The following SYNPO2 variants were observed in gnomAD, a reference collection of about 807,000 sequenced individuals.
SYNPO2 encodes synaptopodin 2.
In SYNPO2, 56 loss-of-function variants were observed where a neutral mutation model predicts 85.0. That is an observed-to-expected ratio of 0.66 (90% CI 0.53 to 0.82). SYNPO2 has a LOEUF of 0.82. Ranked by LOEUF, SYNPO2 falls within the 40% of genes least tolerant of loss-of-function variation. SYNPO2 has a pLI of 0.00. For synonymous variants in SYNPO2, 602 were observed against 591.1 expected, an observed-to-expected ratio of 1.02 and a Z score of -0.27; for missense variants, 1,575 against 1,534.2, an observed-to-expected ratio of 1.03 and a Z score of -0.44.
At chr4:118,886,372 C>T (rs1732198987), upstream of SYNPO2, among the ~76,000 whole-genome samples, 1 of 152,110 alleles carries the variant, frequency 6.6e-6, no homozygotes, top group African/African-American at 2.4e-5. Context: ...GCCCCGCATG[C>T]GTTATGTGTC....
At chr4:118,943,277 C>G (rs1734383320) in intron 1 of SYNPO2, among the ~76,000 whole-genome samples, 1 of 152,102 alleles carries the variant, frequency 6.6e-6, no homozygotes, top group Non-Finnish European at 1.5e-5. Context: ...GACAGCAGCC[C>G]TAAGGGGAAA....
At chr4:118,893,841 A>T (rs998808360) in intron 1 of SYNPO2, among the ~76,000 whole-genome samples, 1 of 104,804 alleles carries the variant, frequency 9.5e-6, no homozygotes, top group Non-Finnish European at 2.0e-5. Context: ...CAAAATAGCT[A>T]AAAAAAAAAG....
intron 1 of SYNPO2, among the ~76,000 whole-genome samples, chr4:118,973,839 A>C (rs971580448): frequency 6.6e-6 from 1 of 152,240 alleles, no homozygotes; most frequent in Non-Finnish European, 1.5e-5. Flanking sequence ...TACACCAATC[A>C]GTAGCCACTG....
At chr4:118,868,951 G>A (rs776228406) in intron 1 of SYNPO2, among the ~76,000 whole-genome samples, 21 of 152,182 alleles carry the variant, frequency 1.4e-4, no homozygotes, top group Admixed American at 9.2e-4. Context: ...CAGCATGACC[G>A]CAGGAGATGT....
intron 1 of SYNPO2, among the ~76,000 whole-genome samples, chr4:118,882,248 A>G (rs1732118228): frequency 6.6e-6 from 1 of 152,332 alleles, no homozygotes; most frequent in African/African-American, 2.4e-5. Context: ...GGGGAGTACA[A>G]TTTAGCGGCT....
intron 1 of SYNPO2, among the ~76,000 whole-genome samples, chr4:118,853,991 C>T (rs1430487163): frequency 6.6e-6 from 1 of 152,030 alleles, no homozygotes; most frequent in Non-Finnish European, 1.5e-5. Flanking sequence ...GTTGTCAATG[C>T]TTTTTTAAAA....
chr4:118,890,203 G>A (rs1049357957), intron 1 of SYNPO2, among the ~76,000 whole-genome samples: 1 of 149,606 alleles, frequency 6.7e-6, no homozygotes, highest in Non-Finnish European at 1.5e-5. Context: ...GAAGAAAGAA[G>A]TTTCTTTGAA....
chr4:118,855,499 T>C (rs1299232908), intron 1 of SYNPO2, among the ~76,000 whole-genome samples: 1 of 152,140 alleles, frequency 6.6e-6, no homozygotes, highest in Non-Finnish European at 1.5e-5. Context: ...TGAGTAGATA[T>C]CGCACAACTG....
intron 1 of SYNPO2, among the ~76,000 whole-genome samples, chr4:119,020,060 GAAGGT>G (rs1737659943): frequency 4.6e-5 from 7 of 152,158 alleles, no homozygotes; most frequent in Admixed American, 4.6e-4. Context: ...ACGCACAATA[GAAGGT>G]AAGGATCTTA....
At chr4:119,032,928 T>C in intron 4 of SYNPO2, 2 of 924,028 alleles carry the variant, frequency 2.2e-6, no homozygotes, top group Non-Finnish European at 2.6e-6. Flanking sequence ...TAAAGGTTGA[T>C]TCCCACCCTC....
Position 118,916,729 on chromosome 4 carries a change from C to CTTTTTTT in SYNPO2, c.105+27600_105+27606dup, listed in dbSNP as rs199715189. Among the ~76,000 whole-genome samples, 209 of 117,006 alleles carry CTTTTTTT rather than the reference C, an allele frequency of 1.8e-3. 1 individual carries two copies. The highest frequency in any genetic ancestry group is 2.7e-3 in the Non-Finnish European group (164 of 60,004). 76.8% of individuals were successfully genotyped at this position (117,006 alleles called of 152,430 possible). On this transcript the variant is annotated intron_variant, in intron 1 of 4. Transcript: ENST00000307142. The stretch of plus-strand genomic sequence containing the variant: ...TCCTCTTCCTCTTTTATTTTTCTTT[C>CTTTTTTT]TTTTTTTTTTTTTTTTTTCTAGAAA...
chr4:118,862,634 A>G (rs1731629893), intron 1 of SYNPO2, among the ~76,000 whole-genome samples: 1 of 152,110 alleles, frequency 6.6e-6, no homozygotes. Context: ...GCATTGATTG[A>G]TTTGCATATG....
chr4:118,862,892 C>A (rs1731635146), intron 1 of SYNPO2, among the ~76,000 whole-genome samples: 1 of 152,032 alleles, frequency 6.6e-6, no homozygotes, highest in Non-Finnish European at 1.5e-5. Flanking sequence ...CTTACTGCAA[C>A]CTCCGCATCC....
intron 1 of SYNPO2, among the ~76,000 whole-genome samples, chr4:118,851,947 AG>A (rs1308560791): frequency 6.6e-6 from 1 of 152,170 alleles, no homozygotes; most frequent in Non-Finnish European, 1.5e-5. Context: ...ACTCAGCAAG[AG>A]TTTTTTTTTT....
chr4:118,862,716 G>A (rs1731631478), intron 1 of SYNPO2, among the ~76,000 whole-genome samples: 2 of 152,148 alleles, frequency 1.3e-5, no homozygotes, highest in African/African-American at 4.8e-5. Flanking sequence ...ATGTGTGTTT[G>A]AATTCAGTTT....
At chr4:118,898,425 A>G (rs2149117450) in intron 1 of SYNPO2, among the ~76,000 whole-genome samples, 1 of 152,120 alleles carries the variant, frequency 6.6e-6, no homozygotes, top group Middle Eastern at 3.4e-3. Context: ...TGCCAGAGAG[A>G]TTTTTCTAAA....
chr4:118,951,030 G>A (rs1000205978), intron 1 of SYNPO2, among the ~76,000 whole-genome samples: 11 of 152,186 alleles, frequency 7.2e-5, no homozygotes, highest in African/African-American at 2.2e-4. Context: ...CTTGTTGGGA[G>A]GAGGCAGATG....
At chr4:118,974,543 C>A (rs1341638398) in intron 1 of SYNPO2, among the ~76,000 whole-genome samples, 1 of 152,228 alleles carries the variant, frequency 6.6e-6, no homozygotes, top group Non-Finnish European at 1.5e-5. Context: ...CATTTGTCTT[C>A]TAGTCTTAAT....
chr4:118,955,731 AAT>A (rs1435895354), intron 1 of SYNPO2, among the ~76,000 whole-genome samples: 1 of 127,484 alleles, frequency 7.8e-6, no homozygotes, highest in African/African-American at 2.8e-5. Flanking sequence ...CAGATGTTAC[AAT>A]GATGTGACTC....
Sources: allele counts gnomAD v4.1 joint callset (sites outside exome capture counted in the v4.1 genomes callset), GRCh38; gene constraint gnomAD v4.1.1; transcripts MANE v1.5; gene names NCBI Gene and HGNC (gene_info 2026-07-23, HGNC 2026-07-21).